RPS6KA2: variants seen among roughly 807,000 people sequenced by gnomAD.
RPS6KA2 encodes the protein ribosomal protein S6 kinase alpha-2.
Under a neutral mutation model 91.8 loss-of-function variants are expected in RPS6KA2, and 42 were observed. That is an observed-to-expected ratio of 0.46 (90% CI 0.36 to 0.59). RPS6KA2 has a LOEUF of 0.59. Among genes scored for constraint, RPS6KA2 ranks in the 20% least tolerant of loss-of-function variants. The pLI is 0.00. For missense variants in RPS6KA2, 798 were observed against 978.5 expected (o/e 0.82, Z 2.46); for synonymous variants, 414 against 393.6 (o/e 1.05, Z -0.61).
intron 1 of RPS6KA2, among the ~76,000 whole-genome samples, chr6:166,573,888 C>T (rs1019345683): frequency 5.9e-5 from 9 of 152,168 alleles, no homozygotes; most frequent in African/African-American, 2.2e-4. Context: ...GAGCTCCTCA[C>T]GCATGTGAAG....
In RPS6KA2 at chr6:166,589,686, T is replaced by C. The variant is rs113792148; in HGVS notation, c.99+37235A>G. The stretch of plus-strand genomic sequence containing the variant: ...CTCCAATAGAGACTGTTGGTAGAAA[T>C]GGGCGCACATCACCTGTGTCTCCAG... On this transcript the variant is annotated intron_variant, in intron 1 of 20. Coordinates refer to ENST00000265678, the MANE Select transcript of RPS6KA2 (RefSeq NM_021135.6). Among the ~76,000 whole-genome samples the C allele has an allele frequency of 8.0e-3, 1,215 of 152,320 alleles. 19 individuals are homozygous for C. The highest frequency in any genetic ancestry group is 0.027 in the African/African-American group (1,128 of 41,556).
chr6:166,850,990 G>A (rs1300432889), intron 2 of RPS6KA2, among the ~76,000 whole-genome samples: 1 of 152,220 alleles, frequency 6.6e-6, no homozygotes, highest in Admixed American at 6.5e-5. Flanking sequence ...GTTCTAGGAG[G>A]AGAAAATAAG....
At chr6:166,427,896 A>G (rs968263517) in intron 16 of RPS6KA2, among the ~76,000 whole-genome samples, 2 of 152,216 alleles carry the variant, frequency 1.3e-5, no homozygotes, top group African/African-American at 2.4e-5. Context: ...TATAGATTCA[A>G]TGCCATCCCG....
At chr6:166,772,401 C>T (rs1015148104) in intron 2 of RPS6KA2, among the ~76,000 whole-genome samples, 2 of 152,186 alleles carry the variant, frequency 1.3e-5, no homozygotes, top group East Asian at 1.9e-4. Flanking sequence ...AGAATGGAGT[C>T]GAGCAAGGAG....
chr6:166,416,634 C>T (rs575309248), intron 19 of RPS6KA2, among the ~76,000 whole-genome samples: 1 of 151,202 alleles, frequency 6.6e-6, no homozygotes, highest in African/African-American at 2.4e-5. Flanking sequence ...CCATCAGCTC[C>T]ATCCCTGCTC....
intron 2 of RPS6KA2, among the ~76,000 whole-genome samples, chr6:166,704,076 A>G (rs912680992): frequency 6.6e-6 from 1 of 152,374 alleles, no homozygotes; most frequent in Non-Finnish European, 1.5e-5. Flanking sequence ...CCAGAACTTG[A>G]CTTCGTATAA....
intron 1 of RPS6KA2, among the ~76,000 whole-genome samples, chr6:166,583,751 T>C (rs1197536104): frequency 6.6e-6 from 1 of 152,194 alleles, no homozygotes; most frequent in Non-Finnish European, 1.5e-5. Context: ...ACTTGGCTTG[T>C]TTCAGTCCAG....
chr6:166,811,534 G>C (rs1034439182), intron 2 of RPS6KA2, among the ~76,000 whole-genome samples: 1 of 152,192 alleles, frequency 6.6e-6, no homozygotes, highest in Non-Finnish European at 1.5e-5. Flanking sequence ...TGAGGTGGGA[G>C]GATCACTTGA....
rs2128589824 is a variant in RPS6KA2 at position 166,733,495 on chromosome 6, T to C, written c.123+124705A>G. On this transcript the variant is annotated intron_variant, in intron 2 of 21. Coordinates refer to the RPS6KA2 transcript ENST00000503859. The surrounding 1 kb of genome is among the most constrained non-coding windows in gnomAD (Gnocchi z 4.1). ...GTACGAGTTTTGGGTACTAACCCCA[T>C]GGCTGACCTTTCTGATCTTTCCTCA... 6.6e-6 allele frequency among the ~76,000 whole-genome samples: 1 copy of C among 152,382 alleles called. No individual in the cohort carries two copies. Among genetic ancestry groups the C allele is most frequent in the East Asian group, 1.9e-4 (1 of 5,194 alleles).
intron 2 of RPS6KA2, among the ~76,000 whole-genome samples, chr6:166,690,858 C>A (rs1318002918): frequency 3.3e-5 from 5 of 152,032 alleles, no homozygotes; most frequent in African/African-American, 4.8e-5. Flanking sequence ...CCACGGAGAC[C>A]CTGAACAGGC....
rs538891033 is a variant in RPS6KA2 at position 166,821,105 on chromosome 6, A to G, written c.123+37095T>C. Among the ~76,000 whole-genome samples the G allele has an allele frequency of 1.8e-4, 27 of 152,370 alleles. 1 individual carries two copies. In the South Asian group the frequency reaches 5.4e-3, roughly 30 times the overall value. ...GAATTAGGTTACCATATTTTGTATC[A>G]CACGCTAGGCACAGAGTGAGCACAT... On this transcript the variant is annotated intron_variant, in intron 2 of 21. Transcript: ENST00000503859. The surrounding 1 kb of genome is among the most constrained non-coding windows in gnomAD (Gnocchi z 4.1).
intron 2 of RPS6KA2, among the ~76,000 whole-genome samples, chr6:166,684,405 T>G (rs1221252970): frequency 6.6e-6 from 1 of 152,248 alleles, no homozygotes; most frequent in Non-Finnish European, 1.5e-5. Context: ...GCTGCTACTT[T>G]CTGCCTAGCA....
rs574344616 is a variant in RPS6KA2 at position 166,636,057 on chromosome 6, C to T, written c.124-97273G>A. Among the ~76,000 whole-genome samples, 21 of 152,330 alleles carry T rather than the reference C, an allele frequency of 1.4e-4. No individual in the cohort carries two copies. The South Asian group carries it at 4.3e-3, about 32-fold the overall frequency. On this transcript the variant is annotated intron_variant, in intron 2 of 21. Coordinates refer to the RPS6KA2 transcript ENST00000503859. ...AGTAAAGTATAATAAAACCCAAACTCCTCGTTCTGCCTACACTGACTCTGC... is the reference window on the plus strand; with the variant it reads ...AGTAAAGTATAATAAAACCCAAACTTCTCGTTCTGCCTACACTGACTCTGC...
chr6:166,436,852 G>A lies in RPS6KA2; in HGVS notation c.1333-4362C>T, dbSNP rs192031889. ...ACATCCTGGAAGGGAGTCGTGGCGGGAATAGGTTCTCACACGACCCTCCTG... is the reference window on the plus strand; with the variant it reads ...ACATCCTGGAAGGGAGTCGTGGCGGAAATAGGTTCTCACACGACCCTCCTG... On this transcript the variant is annotated intron_variant, in intron 14 of 20. Transcript: ENST00000265678. 3.8e-3 allele frequency among the ~76,000 whole-genome samples: 571 copies of A among 152,222 alleles called. 2 individuals carry two copies. Among genetic ancestry groups the A allele is most frequent in the Middle Eastern group, 0.014 (4 of 294 alleles).
intron 2 of RPS6KA2, among the ~76,000 whole-genome samples, chr6:166,776,364 G>A (rs1251343800): frequency 6.6e-6 from 1 of 152,200 alleles, no homozygotes; most frequent in Non-Finnish European, 1.5e-5. Flanking sequence ...AGACCGTCCT[G>A]GGGGCATTTT....
chr6:166,591,133 TCA>T (rs1253607524), intron 1 of RPS6KA2, among the ~76,000 whole-genome samples: 1 of 152,232 alleles, frequency 6.6e-6, no homozygotes, highest in Non-Finnish European at 1.5e-5. Flanking sequence ...CCCAGGCATT[TCA>T]CAGTCGCCCA....
chr6:166,849,227 C>G lies in RPS6KA2; in HGVS notation c.123+8973G>C, dbSNP rs966572529. 1.3e-5 allele frequency among the ~76,000 whole-genome samples: 2 copies of G among 152,154 alleles called. No individual in the cohort carries two copies. The highest frequency in any genetic ancestry group is 2.9e-5 in the Non-Finnish European group (2 of 68,032). On this transcript the variant is annotated intron_variant, in intron 2 of 21. Coordinates refer to the RPS6KA2 transcript ENST00000503859. This position sits in a 1 kb window ranked among gnomAD's most constrained non-coding sequence, Gnocchi z 4.9. Reference sequence around the variant, plus strand: ...GTTGGTTTCTTCTCATCAGTCAGGTCGTGGCCTAAACATGGCGTGGGTAGA... The same window carrying G: ...GTTGGTTTCTTCTCATCAGTCAGGTGGTGGCCTAAACATGGCGTGGGTAGA...
chr6:166,572,838 C>T (rs931116811), intron 1 of RPS6KA2, among the ~76,000 whole-genome samples: 3 of 152,232 alleles, frequency 2.0e-5, no homozygotes, highest in Admixed American at 2.0e-4. Context: ...AGAGCAGCTC[C>T]CACGTCCTCT....
In RPS6KA2 at chr6:166,411,554, T is replaced by TA; in HGVS notation, c.*1207dup. 6.6e-6 allele frequency: 1 copy of TA among 152,498 alleles called. No individual in the cohort carries two copies. The highest frequency in any genetic ancestry group is 1.5e-5 in the Non-Finnish European group (1 of 68,078). The allele number at this position is 152,498 out of a possible 1,614,324, so 9.4% of individuals were successfully genotyped here. A position where few individuals can be genotyped will look rare whatever the true frequency, so the allele number is the denominator to read the frequency against. On this transcript the variant is annotated 3_prime_UTR_variant, in exon 21 of 21. Transcript: ENST00000265678. The surrounding 1 kb of genome is among the most constrained non-coding windows in gnomAD (Gnocchi z 4.5). ...CAATGAAGTAGAGCACAGCATGGCC[T>TA]AAATGCCCCACACCCGCCCTGTGTG...
Sources: gnomAD v4.1 joint callset for allele counts (sites outside exome capture counted in the v4.1 genomes callset) on GRCh38, gnomAD v4.1.1 for gene constraint, Gnocchi (gnomAD v3.1) non-coding constraint, MANE v1.5 for transcripts, NCBI Gene and HGNC (gene_info 2026-07-23, HGNC 2026-07-21) for gene names.